Variants in IL1RAP observed in about 807,000 individuals in gnomAD.
IL1RAP encodes the protein interleukin-1 receptor accessory protein.
In IL1RAP, 35 loss-of-function variants were observed where a neutral mutation model predicts 60.7. That is an observed-to-expected ratio of 0.58 (90% confidence interval 0.44 to 0.76). The LOEUF is 0.76. Among genes scored for constraint, IL1RAP ranks in the 30% least tolerant of loss-of-function variants. The pLI is 0.00. For missense variants in IL1RAP, 572 were observed against 693.9 expected, an observed-to-expected ratio of 0.82 and a Z score of 1.97; for synonymous variants, 268 against 250.9, an observed-to-expected ratio of 1.07 and a Z score of -0.64.
intron 9 of IL1RAP, among the ~76,000 whole-genome samples, chr3:190,637,977 A>G (rs531759977): frequency 1.3e-5 from 2 of 152,020 alleles, no homozygotes; most frequent in South Asian, 4.2e-4. Flanking sequence ...TTTGTTTGCC[A>G]TGGAGTGGTT....
chr3:190,635,112 G>A (rs1733118798), intron 9 of IL1RAP, among the ~76,000 whole-genome samples: 1 of 152,056 alleles, frequency 6.6e-6, no homozygotes, highest in Admixed American at 6.6e-5. Flanking sequence ...TGGCTTTCAA[G>A]GCATTTTTTT....
chr3:190,658,851 G>A (rs1053852492), exon 12 of IL1RAP: 2 of 152,186 alleles, frequency 1.3e-5, no homozygotes, highest in Non-Finnish European at 2.9e-5. Context: ...TAGAGTAAAT[G>A]TGAACTCACC....
intron 1 of IL1RAP, among the ~76,000 whole-genome samples, chr3:190,535,247 G>T (rs1329162365): frequency 6.6e-6 from 1 of 152,170 alleles, no homozygotes; most frequent in African/African-American, 2.4e-5. Flanking sequence ...GCCTGCTTGT[G>T]CAATGTGCTT....
intron 1 of IL1RAP, among the ~76,000 whole-genome samples, chr3:190,527,826 TAC>T (rs10602405): frequency 0.056 from 7,825 of 139,434 alleles, 184 homozygotes; most frequent in South Asian, 0.063. Context: ...AGGAAAGGTC[TAC>T]ACACACACAC....
At chr3:190,623,511 G>T (rs1731958436) in intron 7 of IL1RAP, 96 bp downstream of exon 7, 1 of 890,554 alleles carries the variant, frequency 1.1e-6, no homozygotes, top group Non-Finnish European at 1.8e-6. Context: ...GACGACTGTT[G>T]TAGAGAAACA....
chr3:190,535,457 A>T (rs190947381), intron 1 of IL1RAP, among the ~76,000 whole-genome samples: 16 of 152,340 alleles, frequency 1.1e-4, no homozygotes, highest in Middle Eastern at 3.4e-3. Context: ...TTCTTTGTAC[A>T]GCTCTATTCC....
intron 1 of IL1RAP, among the ~76,000 whole-genome samples, chr3:190,553,362 A>T (rs1725038252): frequency 6.6e-6 from 1 of 152,238 alleles, no homozygotes; most frequent in Non-Finnish European, 1.5e-5. Flanking sequence ...TAAAAGGAAA[A>T]CACAAACAAA....
chr3:190,583,652 T>C (rs1273482798), intron 3 of IL1RAP, among the ~76,000 whole-genome samples: 2 of 152,214 alleles, frequency 1.3e-5, no homozygotes, highest in African/African-American at 4.8e-5. Context: ...GAAACAGCTA[T>C]GGTGGTTTCA....
At chr3:190,549,582 G>A (rs1343115111) in intron 1 of IL1RAP, among the ~76,000 whole-genome samples, 1 of 152,144 alleles carries the variant, frequency 6.6e-6, no homozygotes. Context: ...AAACAAGTCG[G>A]GGGTGAGGAC....
At chr3:190,576,553 A>G (rs181168407) in intron 3 of IL1RAP, among the ~76,000 whole-genome samples, 1 of 152,202 alleles carries the variant, frequency 6.6e-6, no homozygotes, top group Admixed American at 6.5e-5. Flanking sequence ...ATTTTTTTTC[A>G]CTCATCAGTC....
chr3:190,564,344 G>C lies in IL1RAP; in HGVS notation c.55G>C (p.Asp19His). Residue 19 changes from aspartate (D) to histidine (H), a missense_variant, in exon 3 of 12, where the codon GAT (aspartate) becomes CAT (histidine). Coordinates refer to ENST00000447382, the MANE Select transcript of IL1RAP (RefSeq NM_002182.4). The part of the protein sequence containing the change: ...SLYFYGILQS[D>H]ASERCDDWGL... ...CTACTTTTATGGAATCCTGCAAAGT[G>C]ATGCCTCAGGTAAGTGAATGGCTTT... 1 of 1,609,090 alleles carries C rather than the reference G, an allele frequency of 6.2e-7. No homozygotes were observed. The highest frequency in any genetic ancestry group is 8.5e-7 in the Non-Finnish European group (1 of 1,175,566).
rs773899312 is a variant in IL1RAP at position 190,627,361 on chromosome 3, T to C, written c.814T>C (p.Phe272Leu). 1 of 1,613,880 alleles carries C rather than the reference T, an allele frequency of 6.2e-7. No homozygotes were observed. The highest frequency in any genetic ancestry group is 1.1e-5 in the South Asian group (1 of 91,058). Reference protein sequence around the residue: ...LLIPCTVYFSFLMDSRNEVWW... With the variant: ...LLIPCTVYFSLLMDSRNEVWW... ...CATTCCCTGTACGGTCTATTTTAGT[T>C]TTCTGATGGATTCTCGCAATGAGGT... The change falls in exon 8 of 12, where the codon TTT (phenylalanine) becomes CTT (leucine). Residue 272 changes from phenylalanine to leucine, a missense_variant. Coordinates refer to ENST00000447382, the MANE Select transcript of IL1RAP (RefSeq NM_002182.4).
chr3:190,607,361 T>G (rs997033041), intron 4 of IL1RAP, among the ~76,000 whole-genome samples: 3 of 152,212 alleles, frequency 2.0e-5, no homozygotes, highest in Non-Finnish European at 4.4e-5. Context: ...TTTACATCCA[T>G]TCCATTTATT....
chr3:190,547,631 C>A (rs1266264892), intron 1 of IL1RAP, among the ~76,000 whole-genome samples: 1 of 152,138 alleles, frequency 6.6e-6, no homozygotes, highest in East Asian at 1.9e-4. Context: ...AGGCTGTTTT[C>A]TCCTATAGGC....
intron 1 of IL1RAP, among the ~76,000 whole-genome samples, chr3:190,515,464 T>A (rs1277779799): frequency 3.3e-5 from 5 of 152,146 alleles, no homozygotes; most frequent in Admixed American, 2.0e-4. Flanking sequence ...AGAGGCATTT[T>A]AAAAAAATCT....
chr3:190,645,918 G>C (rs1341664915), intron 11 of IL1RAP, 76 bp downstream of exon 11: 1 of 1,267,366 alleles, frequency 7.9e-7, no homozygotes, highest in Non-Finnish European at 1.1e-6. Flanking sequence ...TTATGGGAGA[G>C]AGTCATGGCA....
At chr3:190,523,656 A>G (rs913616750) in intron 1 of IL1RAP, among the ~76,000 whole-genome samples, 5 of 152,128 alleles carry the variant, frequency 3.3e-5, no homozygotes, top group Admixed American at 2.0e-4. Context: ...GCTAAGGATA[A>G]TGGTCCCCAG....
chr3:190,533,154 A>G (rs922517880), intron 1 of IL1RAP, among the ~76,000 whole-genome samples: 1 of 152,184 alleles, frequency 6.6e-6, no homozygotes, highest in Non-Finnish European at 1.5e-5. Flanking sequence ...TAGGCCCAAC[A>G]TGGCTCGAAA....
chr3:190,631,827 T>TCACC (rs1732813007), intron 9 of IL1RAP, among the ~76,000 whole-genome samples: 1 of 152,094 alleles, frequency 6.6e-6, no homozygotes, highest in Non-Finnish European at 1.5e-5. Flanking sequence ...TGAGACACAG[T>TCACC]TTTACTCTTG....
Sources: gnomAD v4.1 joint callset for allele counts (sites outside exome capture counted in the v4.1 genomes callset) on GRCh38, gnomAD v4.1.1 for gene constraint, MANE v1.5 for transcripts, NCBI Gene and HGNC (gene_info 2026-07-23, HGNC 2026-07-21) for gene names.